Variants in OTOP1 observed in about 807,000 individuals in gnomAD.
OTOP1 encodes the protein proton channel OTOP1.
OTOP1 carries 59 observed loss-of-function variants against 52.9 expected under a neutral mutation model. The observed-to-expected ratio is 1.12, with a 90% CI of 0.91 to 1.39. The LOEUF (loss-of-function observed/expected upper bound fraction) is 1.39, where lower values mean the gene tolerates loss of function less well. Among genes scored for constraint, OTOP1 ranks in the 40% most tolerant of loss-of-function variants. OTOP1 has a pLI of 0.00. For synonymous variants in OTOP1, 317 were observed against 337.7 expected, an observed-to-expected ratio of 0.94 and a Z score of 0.67; for missense variants, 761 against 800.9, an observed-to-expected ratio of 0.95 and a Z score of 0.60.
intron 5 of OTOP1, among the ~76,000 whole-genome samples, chr4:4,193,590 G>T (rs1160758495): frequency 6.6e-6 from 1 of 152,114 alleles, no homozygotes; most frequent in Non-Finnish European, 1.5e-5. Flanking sequence ...GCCAGCACGG[G>T]TATCCTAAGA....
Position 4,197,345 on chromosome 4 carries a change from G to A in OTOP1, c.1489C>T (p.Pro497Ser). 6.2e-7 allele frequency: 1 copy of A among 1,614,076 alleles called. No homozygotes were observed. Among genetic ancestry groups the A allele is most frequent in the Non-Finnish European group, 8.5e-7 (1 of 1,180,040 alleles). ...DVAPQGKDMP[P>S]AANGNVCMRE... ...ATGCACACATTTCCATTGGCTGCTGGTGGCATGTCCTTGCCCTGGGGAGCC... is the reference window on the plus strand; with the variant it reads ...ATGCACACATTTCCATTGGCTGCTGATGGCATGTCCTTGCCCTGGGGAGCC... Residue 497 changes from proline (P) to serine (S), a missense_variant, in exon 5 of 6, where the codon CCA becomes TCA. Around this residue, in one of 3 missense-constraint regions of OTOP1, gnomAD observed 632 missense variants for 619.5 expected, o/e 1.02. Transcript: ENST00000296358.
chr4:4,220,291 T>C (rs548348107), intron 1 of OTOP1, among the ~76,000 whole-genome samples: 4 of 151,546 alleles, frequency 2.6e-5, no homozygotes, highest in Middle Eastern at 3.4e-3. Flanking sequence ...ACTAGATAGA[T>C]CAAGTAGACA....
chr4:4,218,457 C>G (rs1237169785), intron 1 of OTOP1, among the ~76,000 whole-genome samples: 1 of 151,310 alleles, frequency 6.6e-6, no homozygotes, highest in East Asian at 1.9e-4. Context: ...TTTGAAAGCC[C>G]TCATGGTAAA....
At chr4:4,215,820 G>A (rs1283726565) in intron 1 of OTOP1, among the ~76,000 whole-genome samples, 1 of 151,878 alleles carries the variant, frequency 6.6e-6, no homozygotes, top group Non-Finnish European at 1.5e-5. Flanking sequence ...TTGAGACAGG[G>A]TCTTGTTCTG....
chr4:4,219,950 T>C (rs1717249340), intron 1 of OTOP1, among the ~76,000 whole-genome samples: 1 of 145,872 alleles, frequency 6.9e-6, no homozygotes, highest in Non-Finnish European at 1.5e-5. Flanking sequence ...TACACATATA[T>C]ACGTATACAT....
In OTOP1 at chr4:4,201,463, T is replaced by TACAC. The variant is rs200995441; in HGVS notation, c.730+984_730+985insGTGT. Among the ~76,000 whole-genome samples the TACAC allele has an allele frequency of 9.4e-3, 1,207 of 128,366 alleles. 18 individuals are homozygous for TACAC. The highest frequency in any genetic ancestry group is 0.029 in the African/African-American group (872 of 29,768). 84.2% of individuals were successfully genotyped at this position (128,366 alleles called of 152,430 possible). ...ATAAAATAGAATAAATAAATAAATA[T>TACAC]ATATATATACACACACACACACACA... is the stretch of plus-strand genomic sequence containing the variant. On this transcript the variant is annotated intron_variant, in intron 4 of 5. Transcript: ENST00000296358.
chr4:4,224,803 C>T (rs547402120), intron 1 of OTOP1, among the ~76,000 whole-genome samples: 20 of 152,200 alleles, frequency 1.3e-4, no homozygotes, highest in East Asian at 3.9e-4. Context: ...AAGGCAGAAA[C>T]GGACAAGGAC....
At position 4,204,966 on chromosome 4, in the gene OTOP1, G is replaced by T. The variant is rs759885350; in HGVS notation, c.599+1106C>A. Among the ~76,000 whole-genome samples the T allele has an allele frequency of 1.4e-3, 214 of 152,002 alleles. 2 individuals are homozygous for T. Among genetic ancestry groups the T allele is most frequent in the Non-Finnish European group, 3.8e-4 (26 of 68,008 alleles). ...TTTTTGTATTTTTAGTAGAGACGGG[G>T]TTTCACCACATTGGCCAGGCTGGTC... is the stretch of plus-strand genomic sequence containing the variant. On this transcript the variant is annotated intron_variant, in intron 3 of 5. Transcript: ENST00000296358.
chr4:4,191,454 G>A (rs919160499), intron 5 of OTOP1, among the ~76,000 whole-genome samples: 26 of 152,230 alleles, frequency 1.7e-4, no homozygotes, highest in African/African-American at 5.8e-4. Context: ...GTGATAAAGC[G>A]CTCTGTTAGC....
chr4:4,189,474 G>T (rs1381225575), intron 5 of OTOP1, among the ~76,000 whole-genome samples: 1 of 152,098 alleles, frequency 6.6e-6, no homozygotes, highest in African/African-American at 2.4e-5. Flanking sequence ...CCCGCTTCCG[G>T]CTGTAGCCTT....
In OTOP1 at chr4:4,226,704, G is replaced by A; in HGVS notation, c.161C>T (p.Pro54Leu). 9 of 1,458,198 alleles carry A rather than the reference G, an allele frequency of 6.2e-6. No individual in the cohort carries two copies. The highest frequency in any genetic ancestry group is 8.2e-6 in the Non-Finnish European group (9 of 1,101,768). The allele number at this position is 1,458,198 out of a possible 1,614,324, so 90.3% of individuals were successfully genotyped here. A position where few individuals can be genotyped will look rare whatever the true frequency, so the allele number is the denominator to read the frequency against. ...GCTCAGCATCTCGGCCAGTTTCTGTGGGACGCTGGCGCGCACACCGCCCCG... is the reference window on the plus strand; with the variant it reads ...GCTCAGCATCTCGGCCAGTTTCTGTAGGACGCTGGCGCGCACACCGCCCCG... ...PRRGGVRASV[P>L]QKLAEMLSSQ... The change falls in exon 1 of 6, where the codon CCA (proline) becomes CTA (leucine). Residue 54 changes from proline to leucine, a missense_variant. This residue lies in a region of OTOP1 where 56 missense variants were observed against 105.6 expected (regional missense o/e 0.53). Transcript: ENST00000296358.
intron 1 of OTOP1, among the ~76,000 whole-genome samples, chr4:4,224,922 T>A (rs1197888600): frequency 6.6e-6 from 1 of 152,138 alleles, no homozygotes. Flanking sequence ...TTGAAAGAAA[T>A]GTGGAAAGGA....
intron 2 of OTOP1, among the ~76,000 whole-genome samples, chr4:4,210,912 G>A (rs537791812): frequency 2.6e-5 from 4 of 152,210 alleles, no homozygotes; most frequent in East Asian, 1.9e-4. Flanking sequence ...TCCTCTAAAC[G>A]ACCCCATCTC....
chr4:4,192,582 C>T (rs1716536242), intron 5 of OTOP1, among the ~76,000 whole-genome samples: 1 of 152,222 alleles, frequency 6.6e-6, no homozygotes, highest in Non-Finnish European at 1.5e-5. Flanking sequence ...ACGTCCATTA[C>T]TTAACTCTGG....
intron 5 of OTOP1, among the ~76,000 whole-genome samples, chr4:4,193,915 C>T (rs1451435200): frequency 2.0e-5 from 3 of 152,184 alleles, no homozygotes; most frequent in African/African-American, 7.2e-5. Flanking sequence ...AGGCCAGGAG[C>T]GGTGGCTCAC....
chr4:4,192,261 C>G (rs1451666199), intron 5 of OTOP1, among the ~76,000 whole-genome samples: 1 of 152,080 alleles, frequency 6.6e-6, no homozygotes, highest in African/African-American at 2.4e-5. Flanking sequence ...CCTGTGGGTG[C>G]CTCAGTCAAG....
intron 1 of OTOP1, among the ~76,000 whole-genome samples, chr4:4,219,228 T>C (rs1420637087): frequency 6.6e-6 from 1 of 152,194 alleles, no homozygotes; most frequent in Non-Finnish European, 1.5e-5. Context: ...CCTAGTTACA[T>C]GATCTTTACA....
Position 4,197,824 on chromosome 4 carries a change from C to T in OTOP1, c.1010G>A (p.Gly337Glu). 1.2e-6 allele frequency: 2 copies of T among 1,613,942 alleles called. No individual in the cohort carries two copies. The highest frequency in any genetic ancestry group is 1.3e-5 in the African/African-American group (1 of 74,954). ...CGACTCGCTCTTGGTCTTGGAGCGCCCAATATGAATCAGGTATACCACCAC... is the reference window on the plus strand; with the variant it reads ...CGACTCGCTCTTGGTCTTGGAGCGCTCAATATGAATCAGGTATACCACCAC... The part of the protein sequence containing the change: ...AVVVVYLIHI[G>E]RSKTKSESAL... Residue 337 changes from glycine (G) to glutamate (E), a missense_variant, in exon 5 of 6, where the codon GGG becomes GAG. Physicochemically the swap from Gly to Glu is moderately conservative, Grantham distance 98. This residue lies in a region of OTOP1 where 632 missense variants were observed against 619.5 expected (regional missense o/e 1.02). Transcript: ENST00000296358.
intron 3 of OTOP1, among the ~76,000 whole-genome samples, chr4:4,204,533 G>A (rs142195827): frequency 0.012 from 1,811 of 152,140 alleles, 18 homozygotes; most frequent in Non-Finnish European, 0.014. Context: ...TGCCACGCAA[G>A]CTCCCTGCAA....
Sources: gnomAD v4.1 joint callset for allele counts (sites outside exome capture counted in the v4.1 genomes callset) on GRCh38, gnomAD v4.1.1 for gene constraint, gnomAD v4.1.1 regional missense constraint, MANE v1.5 for transcripts, NCBI Gene and HGNC (gene_info 2026-07-23, HGNC 2026-07-21) for gene names.